Variants in TMEM123 observed in about 807,000 individuals in gnomAD.
TMEM123 encodes the protein porimin.
A neutral mutation model predicts 19.7 loss-of-function variants in TMEM123; 16 were observed. That is an observed-to-expected ratio of 0.81 (90% confidence interval 0.55 to 1.23). The LOEUF (loss-of-function observed/expected upper bound fraction) is 1.23. Ranked by LOEUF, TMEM123 falls within the 50% of genes most tolerant of loss-of-function variation. The pLI, the probability that TMEM123 is intolerant of heterozygous loss-of-function variation, is 0.00. For missense variants in TMEM123, 313 were observed against 257.8 expected (o/e 1.21, Z -1.47); for synonymous variants, 118 against 99.4 (o/e 1.19, Z -1.12).
At chr11:102,408,577 G>C (rs1360275077) in intron 2 of TMEM123, among the ~76,000 whole-genome samples, 1 of 152,182 alleles carries the variant, frequency 6.6e-6, no homozygotes. Context: ...AGAATTCACT[G>C]ATATAATCTG....
At chr11:102,425,562 GTTTTTTTTTTTTTCTTTTTTCTTT>G (rs1489144110) in intron 2 of TMEM123, among the ~76,000 whole-genome samples, 14 of 118,134 alleles carry the variant, frequency 1.2e-4, no homozygotes, top group East Asian at 2.4e-4. Context: ...CTCCAGGATT[GTTTTTTTTTTTTTCTTTTTTCTTT>G]TTTTTTTTTT....
intron 2 of TMEM123, among the ~76,000 whole-genome samples, chr11:102,435,560 G>C (rs1857754156): frequency 1.3e-5 from 2 of 151,810 alleles, no homozygotes; most frequent in Non-Finnish European, 2.9e-5. Context: ...ATATGACCTA[G>C]CAATTCTACT....
intron 2 of TMEM123, among the ~76,000 whole-genome samples, chr11:102,414,074 G>A (rs1433064379): frequency 1.3e-5 from 2 of 152,150 alleles, no homozygotes; most frequent in East Asian, 1.9e-4. Flanking sequence ...ATTAACAACA[G>A]AAGAGACCAA....
At chr11:102,419,893 T>A (rs953167367) in intron 2 of TMEM123, among the ~76,000 whole-genome samples, 2 of 152,192 alleles carry the variant, frequency 1.3e-5, no homozygotes, top group African/African-American at 2.4e-5. Flanking sequence ...AGGCAGAAAA[T>A]GAACTGCTTC....
intron 2 of TMEM123, among the ~76,000 whole-genome samples, chr11:102,444,077 G>T (rs768615431): frequency 6.6e-6 from 1 of 152,174 alleles, no homozygotes; most frequent in African/African-American, 2.4e-5. Flanking sequence ...GGAGACATAG[G>T]AACACTTTTA....
At chr11:102,406,957 G>C (rs1235047661) in intron 2 of TMEM123, among the ~76,000 whole-genome samples, 1 of 151,866 alleles carries the variant, frequency 6.6e-6, no homozygotes, top group African/African-American at 2.4e-5. Context: ...CCAAAAGCAA[G>C]GGCCAGCTGG....
At chr11:102,444,243 C>T (rs1857858479) in intron 2 of TMEM123, among the ~76,000 whole-genome samples, 1 of 152,214 alleles carries the variant, frequency 6.6e-6, no homozygotes, top group African/African-American at 2.4e-5. Flanking sequence ...AAGACACATG[C>T]ACACGTGTGT....
At chr11:102,448,748 G>A in intron 2 of TMEM123, 64 bp downstream of exon 2, 1 of 1,506,676 alleles carries the variant, frequency 6.6e-7, no homozygotes, top group Non-Finnish European at 9.2e-7. Context: ...TACTTCCCTG[G>A]CTGTTATTAC....
At chr11:102,401,815 T>C in intron 3 of TMEM123, 101 bp downstream of exon 3, 1 of 1,507,670 alleles carries the variant, frequency 6.6e-7, no homozygotes, top group East Asian at 2.3e-5. Context: ...AATCTAGGCA[T>C]ATAAAGTTTC....
chr11:102,413,767 G>T (rs901987814), intron 2 of TMEM123, among the ~76,000 whole-genome samples: 1 of 152,210 alleles, frequency 6.6e-6, no homozygotes, highest in Non-Finnish European at 1.5e-5. Flanking sequence ...AGCTGAGAAA[G>T]AACCAGCGCA....
At chr11:102,413,783 T>C (rs1952023430) in intron 2 of TMEM123, among the ~76,000 whole-genome samples, 2 of 152,146 alleles carry the variant, frequency 1.3e-5, no homozygotes, top group Non-Finnish European at 2.9e-5. Context: ...GCGCAAGAAC[T>C]CTGGCAACTC....
intron 2 of TMEM123, among the ~76,000 whole-genome samples, chr11:102,415,493 C>A: frequency 6.6e-6 from 1 of 152,156 alleles, no homozygotes; most frequent in East Asian, 1.9e-4. Context: ...ACCAACCACA[C>A]CCTCAGACCA....
rs2135837896 is a variant in TMEM123 at position 102,396,997 on chromosome 11, T to A, written c.*1870A>T. 6.6e-6 allele frequency: 1 copy of A among 151,444 alleles called. No individual in the cohort carries two copies. The highest frequency in any genetic ancestry group is 2.1e-4 in the South Asian group (1 of 4,824). The allele number at this position is 151,444 out of a possible 1,614,324, so 9.4% of individuals were successfully genotyped here. Reference sequence around the variant, plus strand: ...GGCCTTCATTAGAATAAAGTATATCTTAACTACATTTTGCAAAGAAATGAA... The same window carrying A: ...GGCCTTCATTAGAATAAAGTATATCATAACTACATTTTGCAAAGAAATGAA... On this transcript the variant is annotated 3_prime_UTR_variant, in exon 5 of 5. Coordinates refer to ENST00000398136, the MANE Select transcript of TMEM123 (RefSeq NM_052932.3).
At chr11:102,446,571 A>G (rs1272820970) in intron 2 of TMEM123, among the ~76,000 whole-genome samples, 1 of 152,254 alleles carries the variant, frequency 6.6e-6, no homozygotes, top group Non-Finnish European at 1.5e-5. Context: ...CAATTACAAA[A>G]TATCTATGTT....
chr11:102,444,683 TATAATA>T (rs1218075407), intron 2 of TMEM123, among the ~76,000 whole-genome samples: 1 of 151,690 alleles, frequency 6.6e-6, no homozygotes, highest in African/African-American at 2.4e-5. Context: ...GAACTTAAAG[TATAATA>T]ATAATAAATA....
At chr11:102,443,902 A>G (rs968769977) in intron 2 of TMEM123, among the ~76,000 whole-genome samples, 7 of 152,248 alleles carry the variant, frequency 4.6e-5, no homozygotes, top group African/African-American at 1.7e-4. Flanking sequence ...ATGAACAGAC[A>G]CTTCTCAAAA....
intron 2 of TMEM123, among the ~76,000 whole-genome samples, chr11:102,448,546 T>C (rs1430406290): frequency 6.6e-6 from 1 of 152,236 alleles, no homozygotes; most frequent in Non-Finnish European, 1.5e-5. Flanking sequence ...AAAAATGTGC[T>C]TCAAAAATTC....
rs1951917833 is a variant in TMEM123, at chr11:102,402,033, T to G, written c.331A>C (p.Thr111Pro). 2.5e-6 allele frequency: 4 copies of G among 1,613,896 alleles called. No homozygotes were observed. In the East Asian group the frequency reaches 6.7e-5, roughly 27 times the overall value. Reference sequence around the variant, plus strand: ...GTTGTTTTGGGTGTAGACTTTAAGGTGGTAGAAGTCATATTTGTTGAGACC... The same window carrying G: ...GTTGTTTTGGGTGTAGACTTTAAGGGGGTAGAAGTCATATTTGTTGAGACC... ...GMVSTNMTST[T>P]LKSTPKTTSV... The change falls in exon 3 of 5, where the codon ACC becomes CCC. Residue 111 changes from threonine (T) to proline (P), a missense_variant. By Grantham distance (38) the Thr-to-Pro change is conservative. Transcript: ENST00000398136.
chr11:102,410,411 C>T (rs1369766256), intron 2 of TMEM123, among the ~76,000 whole-genome samples: 1 of 151,850 alleles, frequency 6.6e-6, no homozygotes, highest in Non-Finnish European at 1.5e-5. Flanking sequence ...GTTGACGGGG[C>T]ACTGTAGACA....
Sources: gnomAD v4.1 joint callset for allele counts (sites outside exome capture counted in the v4.1 genomes callset) on GRCh38, gnomAD v4.1.1 for gene constraint, MANE v1.5 for transcripts, NCBI Gene and HGNC (gene_info 2026-07-23, HGNC 2026-07-21) for gene names.